The following ATP5PB variants were observed in gnomAD, a reference collection of about 807,000 sequenced individuals.
ATP5PB encodes the protein ATP synthase peripheral stalk-membrane subunit b.
ATP5PB carries 21 observed loss-of-function variants against 34.5 expected under a neutral mutation model. The observed-to-expected ratio is 0.61, with a 90% CI of 0.43 to 0.88. The LOEUF (loss-of-function observed/expected upper bound fraction) is 0.88, where lower values mean the gene tolerates loss of function less well. ATP5PB is among the 40% of genes least tolerant of loss of function. The pLI is 0.00. For missense variants in ATP5PB, 293 were observed against 317.4 expected (o/e 0.92, Z 0.58); for synonymous variants, 108 against 114.1 (o/e 0.95, Z 0.34).
chr1:111,454,849 T>C (rs1653428061), intron 3 of ATP5PB, among the ~76,000 whole-genome samples: 1 of 152,244 alleles, frequency 6.6e-6, no homozygotes, highest in Non-Finnish European at 1.5e-5. Context: ...TACAGCATTA[T>C]CTCTGTTTGT....
In ATP5PB at chr1:111,461,287, T is replaced by G. The variant is rs778512199; in HGVS notation, c.*293T>G. On this transcript the variant is annotated 3_prime_UTR_variant, in exon 7 of 7. Coordinates refer to ENST00000369722, the MANE Select transcript of ATP5PB (RefSeq NM_001688.5). Reference sequence around the variant, plus strand: ...ATTAACAGGTTATAGTTTAAATTTGTAATTAATTCTACCATCTTGCAATAA... The same window carrying G: ...ATTAACAGGTTATAGTTTAAATTTGGAATTAATTCTACCATCTTGCAATAA... 1.4e-5 allele frequency: 3 copies of G among 220,976 alleles called. No individual in the cohort carries two copies. Among genetic ancestry groups the G allele is most frequent in the Non-Finnish European group, 2.7e-5 (3 of 109,690 alleles). 13.7% of individuals were successfully genotyped at this position (220,976 alleles called of 1,614,324 possible).
At chr1:111,449,944 C>G in intron 2 of ATP5PB, 71 bp downstream of exon 2, 1 of 1,591,206 alleles carries the variant, frequency 6.3e-7, no homozygotes, top group Non-Finnish European at 8.6e-7. Flanking sequence ...CCTGCCCCCA[C>G]CCCCTTAGCT....
intron 2 of ATP5PB, among the ~76,000 whole-genome samples, chr1:111,451,472 C>G (rs1164757421): frequency 6.6e-6 from 1 of 152,086 alleles, no homozygotes; most frequent in Non-Finnish European, 1.5e-5. Context: ...GAGATACACA[C>G]TCACCCTTCC....
At chr1:111,453,530 G>A (rs1050602626) in intron 2 of ATP5PB, among the ~76,000 whole-genome samples, 1 of 152,086 alleles carries the variant, frequency 6.6e-6, no homozygotes, top group Non-Finnish European at 1.5e-5. Context: ...AACTAAGAAT[G>A]GATTGAGGTT....
chr1:111,456,738 C>G lies in ATP5PB; in HGVS notation c.496C>G (p.Leu166Val), dbSNP rs765923102. The part of the protein sequence containing the change: ...QQALVQKRHY[L>V]FDVQRNNIAM... ...GGCACTGGTTCAGAAGCGCCATTACCTTTTTGATGTGCAAAGGGTAGGTTT... is the reference window on the plus strand; with the variant it reads ...GGCACTGGTTCAGAAGCGCCATTACGTTTTTGATGTGCAAAGGGTAGGTTT... Residue 166 changes from leucine (L) to valine (V), a missense_variant, in exon 5 of 7, where the codon CTT (leucine) becomes GTT (valine). Coordinates refer to ENST00000369722, the MANE Select transcript of ATP5PB (RefSeq NM_001688.5). The G allele has an allele frequency of 9.9e-6, 16 of 1,610,376 alleles. No individual in the cohort carries two copies. The highest frequency in any genetic ancestry group is 1.4e-5 in the Non-Finnish European group (16 of 1,178,608).
chr1:111,456,276 T>C, intron 4 of ATP5PB, 27 bp downstream of exon 4: 2 of 1,543,650 alleles, frequency 1.3e-6, no homozygotes, highest in Non-Finnish European at 1.7e-6. Context: ...TTATTTCCTA[T>C]TTTAGACTAG....
At chr1:111,456,035 C>A in intron 3 of ATP5PB, 51 bp from the exon 4 acceptor site, 1 of 1,405,666 alleles carries the variant, frequency 7.1e-7, no homozygotes, top group East Asian at 2.5e-5. Flanking sequence ...TCTATCTTCC[C>A]TCTTTTAGGC....
chr1:111,455,951 C>A, intron 3 of ATP5PB, 135 bp from the exon 4 acceptor site: 1 of 716,244 alleles, frequency 1.4e-6, no homozygotes, highest in Non-Finnish European at 2.1e-6. Context: ...TACTGCTTCC[C>A]AATCCAGTGT....
chr1:111,455,025 C>T (rs971017879), intron 3 of ATP5PB, among the ~76,000 whole-genome samples: 6 of 151,958 alleles, frequency 3.9e-5, no homozygotes, highest in Non-Finnish European at 8.8e-5. Flanking sequence ...GAAAAGGGTA[C>T]GAATAAAAAT....
intron 2 of ATP5PB, 148 bp downstream of exon 2, chr1:111,450,021 TC>T (rs1653269908): frequency 9.9e-7 from 1 of 1,007,746 alleles, no homozygotes; most frequent in Non-Finnish European, 1.5e-6. Context: ...AGACACTTGT[TC>T]CTGTAACTGC....
rs1653488483 is a variant in ATP5PB at position 111,456,853 on chromosome 1, T to C, written c.513+98T>C. 4.4e-6 allele frequency: 6 copies of C among 1,350,318 alleles called. No homozygotes were observed. In the East Asian group the frequency reaches 1.6e-4, roughly 36 times the overall value. The allele number at this position is 1,350,318 out of a possible 1,614,324, so 83.6% of individuals were successfully genotyped here. A position where few individuals can be genotyped will look rare whatever the true frequency, so the allele number is the denominator to read the frequency against. On this transcript the variant is annotated intron_variant, in intron 5 of 6. Coordinates refer to ENST00000369722, the MANE Select transcript of ATP5PB (RefSeq NM_001688.5). ...GAAGAATGGTTAAATAGATTGAACG[T>C]ATTTTATTTAGAAAAGAGAAGATTT...
chr1:111,457,320 C>G (rs1314704473), intron 5 of ATP5PB, among the ~76,000 whole-genome samples: 1 of 151,808 alleles, frequency 6.6e-6, no homozygotes, highest in Non-Finnish European at 1.5e-5. Flanking sequence ...CAAACACACA[C>G]ACACACACAC....
In ATP5PB at chr1:111,454,319, A is replaced by G. The variant is rs779993797; in HGVS notation, c.186A>G (p.Glu62=). ...TTCGTTATGGACTGATCCCTGAGGA[A>G]TTCTTCCAGTTTCTTTATCCTAAAA... ...GKVRYGLIPE[E]FFQFLYPKTG... The change falls in exon 3 of 7, where the codon GAA becomes GAG. Residue 62 remains glutamate, a synonymous_variant. Coordinates refer to ENST00000369722, the MANE Select transcript of ATP5PB (RefSeq NM_001688.5). 9.0e-5 allele frequency: 145 copies of G among 1,610,512 alleles called. 2 individuals carry two copies. The South Asian group carries it at 1.4e-3, about 16-fold the overall frequency.
At chr1:111,451,748 G>A (rs571893750) in intron 2 of ATP5PB, among the ~76,000 whole-genome samples, 1 of 152,034 alleles carries the variant, frequency 6.6e-6, no homozygotes, top group African/African-American at 2.4e-5. Context: ...ATTTTTTTGT[G>A]GTGTTTCTTT....
intron 2 of ATP5PB, among the ~76,000 whole-genome samples, 162 bp downstream of exon 2, chr1:111,450,035 G>C (rs1653270356): frequency 6.6e-6 from 1 of 152,024 alleles, no homozygotes; most frequent in South Asian, 2.1e-4. Context: ...GTAACTGCCA[G>C]GAACGCTCTC....
chr1:111,460,195 T>G (rs1295920654), intron 6 of ATP5PB, among the ~76,000 whole-genome samples: 1 of 152,168 alleles, frequency 6.6e-6, no homozygotes, highest in African/African-American at 2.4e-5. Context: ...ACAAGGCTAT[T>G]TCTAAGCCCC....
rs541399430 is a variant in ATP5PB at position 111,460,719 on chromosome 1, T to G, written c.694-198T>G. On this transcript the variant is annotated intron_variant, in intron 6 of 6. Transcript: ENST00000369722. Reference sequence around the variant, plus strand: ...GGGAATTTTAACTAACCCCCTGGATTTGCTTAAAATAAATTATATCTCCTC... The same window carrying G: ...GGGAATTTTAACTAACCCCCTGGATGTGCTTAAAATAAATTATATCTCCTC... 6.6e-5 allele frequency among the ~76,000 whole-genome samples: 10 copies of G among 152,302 alleles called. 2 individuals are homozygous for G. The highest frequency in any genetic ancestry group is 2.4e-4 in the African/African-American group (10 of 41,560).
chr1:111,450,762 T>C (rs906530730), intron 2 of ATP5PB, among the ~76,000 whole-genome samples: 2 of 152,216 alleles, frequency 1.3e-5, no homozygotes, highest in African/African-American at 2.4e-5. Context: ...AGTGGTCTTA[T>C]CTATAATTAA....
At chr1:111,452,480 A>G (rs968620601) in intron 2 of ATP5PB, among the ~76,000 whole-genome samples, 3 of 152,232 alleles carry the variant, frequency 2.0e-5, no homozygotes, top group Non-Finnish European at 4.4e-5. Context: ...CTGAGGCACA[A>G]GAATCACTTG....
Sources: gnomAD v4.1 joint callset for allele counts (sites outside exome capture counted in the v4.1 genomes callset) on GRCh38, gnomAD v4.1.1 for gene constraint, MANE v1.5 for transcripts, NCBI Gene and HGNC (gene_info 2026-07-23, HGNC 2026-07-21) for gene names.